Variants in CDH13 observed in about 807,000 individuals in gnomAD.
The protein encoded by CDH13 is cadherin-13.
CDH13 carries 24 observed loss-of-function variants against 63.8 expected under a neutral mutation model. The ratio of observed to expected loss-of-function variants is 0.38; its 90% CI spans 0.27 to 0.53. The LOEUF is 0.53. Ranked by LOEUF, CDH13 falls within the 20% of genes least tolerant of loss-of-function variation. CDH13 has a pLI of 0.85. For synonymous variants in CDH13, 503 were observed against 355.3 expected (o/e 1.42, Z -4.67); for missense variants, 1,049 against 903.1 (o/e 1.16, Z -2.07).
intron 5 of CDH13, among the ~76,000 whole-genome samples, chr16:83,280,623 G>A (rs989130604): frequency 4.8e-4 from 73 of 152,166 alleles, no homozygotes; most frequent in African/African-American, 1.6e-3. Flanking sequence ...ATTCTTTCCC[G>A]AAGGTTTTCA....
chr16:82,978,583 G>A (rs1909840696), intron 2 of CDH13, among the ~76,000 whole-genome samples: 1 of 152,226 alleles, frequency 6.6e-6, no homozygotes, highest in Non-Finnish European at 1.5e-5. Context: ...GGCTTCGGTG[G>A]GTGCAAGCCC....
chr16:82,729,713 C>T (rs770572714), intron 1 of CDH13, among the ~76,000 whole-genome samples: 29 of 152,156 alleles, frequency 1.9e-4, no homozygotes, highest in Non-Finnish European at 3.8e-4. Context: ...TCAGCCTGTC[C>T]TTTGAAGCTT....
intron 1 of CDH13, among the ~76,000 whole-genome samples, chr16:82,657,823 A>AT (rs1267592591): frequency 6.6e-6 from 1 of 152,134 alleles, no homozygotes; most frequent in Non-Finnish European, 1.5e-5. Flanking sequence ...GAGTTTGTCA[A>AT]TTTTTTTGGA....
At chr16:83,192,165 T>G (rs1030460156) in intron 4 of CDH13, among the ~76,000 whole-genome samples, 1 of 152,182 alleles carries the variant, frequency 6.6e-6, no homozygotes, top group African/African-American at 2.4e-5. Context: ...TTTGCCTCCA[T>G]TCCTCCCAGA....
At chr16:83,668,869 A>G (rs1044980323) in intron 8 of CDH13, among the ~76,000 whole-genome samples, 1 of 152,206 alleles carries the variant, frequency 6.6e-6, no homozygotes, top group South Asian at 2.1e-4. Context: ...GCATTAATTG[A>G]TCACAGCATT....
At chr16:83,383,087 T>G (rs1451094421) in intron 6 of CDH13, 1 of 152,218 alleles carries the variant, frequency 6.6e-6, no homozygotes, top group Non-Finnish European at 1.5e-5. Flanking sequence ...CCTCAGTCTT[T>G]CCCTGACTTT....
At chr16:83,486,950 C>T (rs1185278371) in intron 7 of CDH13, among the ~76,000 whole-genome samples, 3 of 152,170 alleles carry the variant, frequency 2.0e-5, no homozygotes, top group East Asian at 3.9e-4. Flanking sequence ...GACTCTGCCT[C>T]TGGCCCCTGC....
At chr16:82,964,914 G>A (rs566095350) in intron 2 of CDH13, among the ~76,000 whole-genome samples, 1 of 152,118 alleles carries the variant, frequency 6.6e-6, no homozygotes, top group African/African-American at 2.4e-5. Flanking sequence ...ATAGGGGAAT[G>A]GTTGGCAGGG....
intron 1 of CDH13, among the ~76,000 whole-genome samples, chr16:82,850,544 A>G (rs1597796676): frequency 6.6e-6 from 1 of 152,230 alleles, no homozygotes; most frequent in East Asian, 1.9e-4. Flanking sequence ...AATCGTACCT[A>G]AACTTAGTTG....
chr16:83,293,610 T>A (rs2089516508), intron 5 of CDH13, among the ~76,000 whole-genome samples: 1 of 152,190 alleles, frequency 6.6e-6, no homozygotes. Flanking sequence ...ATCAAATACA[T>A]AACAGATATA....
rs538840176 is a variant in CDH13 at position 82,822,166 on chromosome 16, G to C, written c.46-36196G>C. ...TCAAAAGATTACCCGGGGACACAAG[G>C]CTATGTAATACAGCAATATATGCAA... On this transcript the variant is annotated intron_variant, in intron 1 of 13. Transcript: ENST00000567109. Among the ~76,000 whole-genome samples the C allele has an allele frequency of 2.5e-3, 380 of 152,232 alleles. 1 individual carries two copies. Among genetic ancestry groups the C allele is most frequent in the Admixed American group, 4.8e-3 (73 of 15,290 alleles).
intron 2 of CDH13, among the ~76,000 whole-genome samples, chr16:82,887,612 G>A (rs2040936784): frequency 6.6e-6 from 1 of 152,204 alleles, no homozygotes; most frequent in South Asian, 2.1e-4. Flanking sequence ...CGTGAGGTCA[G>A]GAGTTCGAGA....
chr16:83,602,638 T>C (rs1349101467), intron 8 of CDH13, 44 bp downstream of exon 8: 27 of 1,602,754 alleles, frequency 1.7e-5, no homozygotes, highest in Non-Finnish European at 2.1e-5. Flanking sequence ...TGGTCACAGC[T>C]ACAATTACTG....
At chr16:83,549,920 T>G (rs971269439) in intron 7 of CDH13, among the ~76,000 whole-genome samples, 1 of 152,162 alleles carries the variant, frequency 6.6e-6, no homozygotes, top group Non-Finnish European at 1.5e-5. Context: ...AGGTTTTAAC[T>G]GTATGCATGC....
At chr16:83,127,440 T>C (rs2035861602) in intron 4 of CDH13, among the ~76,000 whole-genome samples, 1 of 152,048 alleles carries the variant, frequency 6.6e-6, no homozygotes, top group African/African-American at 2.4e-5. Context: ...CTATTGAAAA[T>C]TGATCTTGGA....
intron 7 of CDH13, among the ~76,000 whole-genome samples, chr16:83,515,134 T>G (rs1310687378): frequency 2.6e-5 from 4 of 152,092 alleles, no homozygotes; most frequent in African/African-American, 9.7e-5. Flanking sequence ...GGAGACGTCA[T>G]TCCATGTTTC....
intron 6 of CDH13, among the ~76,000 whole-genome samples, chr16:83,475,041 T>G (rs2073565561): frequency 6.6e-6 from 1 of 152,264 alleles, no homozygotes; most frequent in Non-Finnish European, 1.5e-5. Flanking sequence ...TTCCGCCATC[T>G]GGCTCCTGGC....
chr16:82,897,266 A>G (rs1319171783), intron 2 of CDH13, among the ~76,000 whole-genome samples: 1 of 152,260 alleles, frequency 6.6e-6, no homozygotes, highest in Non-Finnish European at 1.5e-5. Flanking sequence ...CACAGATATC[A>G]GCACACAGCA....
intron 4 of CDH13, among the ~76,000 whole-genome samples, chr16:83,186,384 G>A (rs532530284): frequency 1.5e-4 from 23 of 151,888 alleles, no homozygotes; most frequent in East Asian, 5.8e-4. Flanking sequence ...TGATCCACCC[G>A]CCTCGGCCTC....
Sources: gnomAD v4.1 joint callset for allele counts (sites outside exome capture counted in the v4.1 genomes callset) on GRCh38, gnomAD v4.1.1 for gene constraint, MANE v1.5 for transcripts, NCBI Gene and HGNC (gene_info 2026-07-23, HGNC 2026-07-21) for gene names.